MICAL2: variants seen among roughly 807,000 people sequenced by gnomAD.
The protein encoded by MICAL2 is microtubule associated monooxygenase, calponin and LIM domain containing 2.
In MICAL2, 77 loss-of-function variants were observed where a neutral mutation model predicts 127.3. That is an observed-to-expected ratio of 0.60 (90% CI 0.50 to 0.73). The LOEUF is 0.73. Among genes scored for constraint, MICAL2 ranks in the 30% least tolerant of loss-of-function variants. The pLI is 0.00. For missense variants in MICAL2, 1,351 were observed against 1,434.4 expected (o/e 0.94, Z 0.94); for synonymous variants, 570 against 551.1 (o/e 1.03, Z -0.48).
chr11:12,318,132 G>A (rs1337172521), intron 29 of MICAL2, among the ~76,000 whole-genome samples: 1 of 152,122 alleles, frequency 6.6e-6, no homozygotes, highest in African/African-American at 2.4e-5. Context: ...CTCAGGCACC[G>A]CTAATATACC....
chr11:12,252,594 G>C (rs1861697181), intron 22 of MICAL2: 1 of 152,258 alleles, frequency 6.6e-6, no homozygotes, highest in Admixed American at 6.5e-5. Flanking sequence ...CAGTCTGCCA[G>C]GCACTCCTTT....
intron 3 of MICAL2, among the ~76,000 whole-genome samples, chr11:12,178,004 G>C (rs938287721): frequency 1.3e-5 from 2 of 152,252 alleles, no homozygotes; most frequent in African/African-American, 4.8e-5. Flanking sequence ...CTGATAAGAT[G>C]CTTGGTGGCT....
chr11:12,186,552 T>A (rs578077403), intron 3 of MICAL2, among the ~76,000 whole-genome samples: 1 of 152,230 alleles, frequency 6.6e-6, no homozygotes, highest in Non-Finnish European at 1.5e-5. Context: ...AAAAGATTTT[T>A]TTTTTAAAGA....
intron 2 of MICAL2, among the ~76,000 whole-genome samples, chr11:12,285,270 A>G (rs1188581945): frequency 6.6e-6 from 1 of 152,162 alleles, no homozygotes; most frequent in African/African-American, 2.4e-5. Flanking sequence ...AAATATCCCA[A>G]GCACTGATCT....
At chr11:12,132,213 G>T (rs1851475850) in intron 1 of MICAL2, among the ~76,000 whole-genome samples, 1 of 152,314 alleles carries the variant, frequency 6.6e-6, no homozygotes, top group Non-Finnish European at 1.5e-5. Flanking sequence ...CTCAGCAAAT[G>T]CTGGTTGAAT....
intron 15 of MICAL2, 78 bp downstream of exon 15, chr11:12,227,209 C>T: frequency 9.3e-7 from 1 of 1,073,984 alleles, no homozygotes; most frequent in Non-Finnish European, 1.4e-6. Context: ...GTCACATTCT[C>T]AGCCTGTTGA....
At chr11:12,225,099 A>C (rs1590454488) in intron 13 of MICAL2, among the ~76,000 whole-genome samples, 1 of 136,082 alleles carries the variant, frequency 7.3e-6, no homozygotes, top group Non-Finnish European at 1.6e-5. Flanking sequence ...CCATCACCAC[A>C]CTCTTTGGAA....
intron 1 of MICAL2, among the ~76,000 whole-genome samples, chr11:12,120,299 T>A (rs549137783): frequency 1.3e-5 from 2 of 152,300 alleles, no homozygotes; most frequent in East Asian, 3.9e-4. Flanking sequence ...GGCTGAACCT[T>A]AAGAGGATGG....
intron 1 of MICAL2, among the ~76,000 whole-genome samples, chr11:12,137,225 C>T (rs747880771): frequency 1.3e-5 from 2 of 152,336 alleles, no homozygotes; most frequent in South Asian, 4.1e-4. Flanking sequence ...GCAGGGCTGC[C>T]GCTTCTGCCC....
intron 3 of MICAL2, among the ~76,000 whole-genome samples, chr11:12,171,994 T>C (rs1856321071): frequency 6.6e-6 from 1 of 152,232 alleles, no homozygotes; most frequent in Non-Finnish European, 1.5e-5. Context: ...ATTTTACAGC[T>C]CATCTCAGTT....
intron 32 of MICAL2, among the ~76,000 whole-genome samples, chr11:12,330,327 T>G (rs1239424209): frequency 2.6e-5 from 4 of 152,184 alleles, no homozygotes; most frequent in African/African-American, 9.6e-5. Context: ...TTCAAGTGAT[T>G]TAATGGGAAT....
At chr11:12,204,556 A>G (rs1456763310) in intron 4 of MICAL2, 99 bp downstream of exon 4, 6 of 1,216,308 alleles carry the variant, frequency 4.9e-6, no homozygotes, top group Non-Finnish European at 7.0e-6. Context: ...GTTCCATCTT[A>G]GTCCCTGGGG....
intron 1 of MICAL2, among the ~76,000 whole-genome samples, chr11:12,117,628 G>A (rs1182957698): frequency 6.6e-6 from 1 of 152,166 alleles, no homozygotes; most frequent in East Asian, 1.9e-4. Context: ...TGGGCCCAGG[G>A]TCTGCCAGGG....
Position 12,226,235 on chromosome 11 carries a change from G to A in MICAL2, c.1753G>A (p.Glu585Lys), listed in dbSNP as rs201389190. 35 of 1,614,224 alleles carry A rather than the reference G, an allele frequency of 2.2e-5. No homozygotes were observed. Among genetic ancestry groups the A allele is most frequent in the African/African-American group, 1.7e-4 (13 of 75,072 alleles). Residue 585 changes from glutamate (E) to lysine (K), a missense_variant, in exon 14 of 28, where the codon GAG becomes AAG. This residue lies in a region of MICAL2 where 752 missense variants were observed against 719.4 expected (regional missense o/e 1.05). Transcript: ENST00000683283. The part of the protein sequence containing the change: ...ENNQLAFDVA[E>K]REFGIPPVTT... ...CAACCAGCTCGCATTTGATGTGGCC[G>A]AGCGAGAGTTTGGGATCCCTCCAGT...
chr11:12,129,861 C>A (rs1228179696), intron 1 of MICAL2, among the ~76,000 whole-genome samples: 1 of 151,902 alleles, frequency 6.6e-6, no homozygotes, highest in Non-Finnish European at 1.5e-5. Context: ...GTGCACGCCA[C>A]CATGCCTGGC....
intron 22 of MICAL2, 36 bp downstream of exon 22, chr11:12,249,282 C>A: frequency 8.0e-7 from 1 of 1,252,362 alleles, no homozygotes; most frequent in Non-Finnish European, 1.2e-6. Context: ...AGCTGCCTCA[C>A]CTGCAAAGGG....
downstream of MICAL2, among the ~76,000 whole-genome samples, chr11:12,291,126 G>A (rs1319960914): frequency 1.3e-5 from 2 of 152,168 alleles, no homozygotes; most frequent in Non-Finnish European, 2.9e-5. Context: ...GGAAGTTTCT[G>A]GGGGACATCC....
At chr11:12,274,331 C>T (rs763346469), upstream of MICAL2, 19 of 152,142 alleles carry the variant, frequency 1.2e-4, no homozygotes, top group Admixed American at 3.9e-4. Flanking sequence ...GAACGCCTAC[C>T]GTTCACCAGG....
At chr11:12,227,428 A>G (rs1042352726) in intron 15 of MICAL2, among the ~76,000 whole-genome samples, 1 of 152,214 alleles carries the variant, frequency 6.6e-6, no homozygotes, top group African/African-American at 2.4e-5. Flanking sequence ...TTCCTGAGGG[A>G]TGGGGATGAA....
Sources: allele counts gnomAD v4.1 joint callset (sites outside exome capture counted in the v4.1 genomes callset), GRCh38; gene constraint gnomAD v4.1.1; regional missense constraint gnomAD v4.1.1; transcripts MANE v1.5; gene names NCBI Gene and HGNC (gene_info 2026-07-23, HGNC 2026-07-21).